The following ADAD1 variants were observed in gnomAD, a reference collection of about 807,000 sequenced individuals.
The protein encoded by ADAD1 is adenosine deaminase domain containing 1.
Under a neutral mutation model 66.8 loss-of-function variants are expected in ADAD1, and 46 were observed. The ratio of observed to expected loss-of-function variants is 0.69; its 90% CI spans 0.54 to 0.88. ADAD1 has a LOEUF of 0.88. Ranked by LOEUF, ADAD1 falls within the 40% of genes least tolerant of loss-of-function variation. The probability of loss-of-function intolerance (pLI) is 0.00; values close to 1 mark genes in which losing one functional copy is unlikely to be tolerated. For synonymous variants in ADAD1, 248 were observed against 229.4 expected, an observed-to-expected ratio of 1.08 and a Z score of -0.73; for missense variants, 617 against 681.8, an observed-to-expected ratio of 0.91 and a Z score of 1.06.
Position 122,411,255 on chromosome 4 carries a change from C to A in ADAD1, c.882C>A (p.Ser294Arg). 1 of 1,608,148 alleles carries A rather than the reference C, an allele frequency of 6.2e-7. No homozygotes were observed. The highest frequency in any genetic ancestry group is 8.5e-7 in the Non-Finnish European group (1 of 1,178,348). The change falls in exon 9 of 13, where the codon AGC (serine) becomes AGA (arginine). Residue 294 changes from serine (S) to arginine (R), a missense_variant. By Grantham distance (110) the Ser-to-Arg change is moderately radical (BLOSUM62 -1). Transcript: ENST00000296513. Reference sequence around the variant, plus strand: ...ATAGACAACTTCTGCTCTTCTACAGCAAAAATCCTGCTATGATGGAAAAAT... The same window carrying A: ...ATAGACAACTTCTGCTCTTCTACAGAAAAAATCCTGCTATGATGGAAAAAT... ...YFYRQLLLFY[S>R]KNPAMMEKSI... is the part of the protein sequence containing the mutation.
intron 5 of ADAD1, among the ~76,000 whole-genome samples, chr4:122,390,820 C>T (rs1375767949): frequency 1.3e-5 from 2 of 152,110 alleles, no homozygotes; most frequent in African/African-American, 2.4e-5. Context: ...TTTAGCTCAG[C>T]GAAGTTTTTT....
chr4:122,421,041 A>G (rs1046161501), intron 11 of ADAD1, among the ~76,000 whole-genome samples: 4 of 152,116 alleles, frequency 2.6e-5, no homozygotes, highest in Non-Finnish European at 4.4e-5. Context: ...AATCTTCTAC[A>G]TTAATTTTTG....
rs191820682 is a variant in ADAD1, at chr4:122,419,577, C to T, written c.1488-1684C>T. 5.8e-4 allele frequency among the ~76,000 whole-genome samples: 88 copies of T among 152,298 alleles called. 1 individual carries two copies. The highest frequency in any genetic ancestry group is 1.1e-3 in the Non-Finnish European group (77 of 68,022). ...TCCTCCTCTCCACCACACAAAATTA[C>T]AGACCAAACTCACCTATATCCAAGA... On this transcript the variant is annotated intron_variant, in intron 11 of 12. Coordinates refer to ENST00000296513, the MANE Select transcript of ADAD1 (RefSeq NM_139243.4).
Position 122,393,589 on chromosome 4 carries a change from G to A in ADAD1, c.530G>A (p.Gly177Asp). 6.3e-7 allele frequency: 1 copy of A among 1,593,000 alleles called. No individual in the cohort carries two copies. Reference protein sequence around the residue: ...EPEPRILETSGPPPFPAEPVV... With the variant: ...EPEPRILETSDPPPFPAEPVV... ...CCTTATGTTTTTGTTTTGTTTACAGGTCCTCCTCCTTTCCCTGCAGAACCT... is the reference window on the plus strand; with the variant it reads ...CCTTATGTTTTTGTTTTGTTTACAGATCCTCCTCCTTTCCCTGCAGAACCT... The change falls in exon 6 of 13, where the codon GGT (glycine) becomes GAT (aspartate). Residue 177 changes from glycine (G) to aspartate (D), a missense_variant and splice_region_variant. Gly to Asp is a moderately conservative substitution (Grantham distance 94). Transcript: ENST00000296513.
At chr4:122,383,687 T>G in intron 4 of ADAD1, 112 bp from the exon 5 acceptor site, 1 of 1,209,690 alleles carries the variant, frequency 8.3e-7, no homozygotes, top group Non-Finnish European at 1.1e-6. Context: ...AGTTGGTGTT[T>G]ATGAGGTAGT....
chr4:122,409,660 T>C (rs1461691262), intron 8 of ADAD1, among the ~76,000 whole-genome samples: 1 of 152,174 alleles, frequency 6.6e-6, no homozygotes, highest in African/African-American at 2.4e-5. Flanking sequence ...ACTTTTTATT[T>C]AACTTTTTCT....
At chr4:122,384,106 G>A (rs1795044220) in intron 5 of ADAD1, 140 bp downstream of exon 5, 1 of 766,598 alleles carries the variant, frequency 1.3e-6, no homozygotes, top group Non-Finnish European at 2.0e-6. Context: ...TTCAGTTGCT[G>A]TCCACTGATG....
In ADAD1 at chr4:122,412,766, G is replaced by T. The variant is rs1796524949; in HGVS notation, c.1206G>T (p.Leu402=). Residue 402 remains leucine (L), a synonymous_variant, in exon 10 of 13, where the codon CTG becomes CTT. Coordinates refer to ENST00000296513, the MANE Select transcript of ADAD1 (RefSeq NM_139243.4). ...TGCTTGGTGTACAGGGAGCATTGCTGAGTCATTTTATACAGCCAGTTTACA... is the reference window on the plus strand; with the variant it reads ...TGCTTGGTGTACAGGGAGCATTGCTTAGTCATTTTATACAGCCAGTTTACA... ...WEVLGVQGAL[L]SHFIQPVYIS... 1 of 1,613,732 alleles carries T rather than the reference G, an allele frequency of 6.2e-7. No individual in the cohort carries two copies. Among genetic ancestry groups the T allele is most frequent in the African/African-American group, 1.3e-5 (1 of 74,932 alleles).
At chr4:122,420,855 T>C (rs1796971493) in intron 11 of ADAD1, among the ~76,000 whole-genome samples, 1 of 152,182 alleles carries the variant, frequency 6.6e-6, no homozygotes, top group Non-Finnish European at 1.5e-5. Flanking sequence ...AAACACAAAA[T>C]AGATTATACA....
In ADAD1 at chr4:122,414,283, G is replaced by GA. The variant is rs79693480; in HGVS notation, c.1250-1096_1250-1095insA. 5.1e-5 allele frequency among the ~76,000 whole-genome samples: 6 copies of GA among 118,724 alleles called. 1 individual carries two copies. The highest frequency in any genetic ancestry group is 1.8e-4 in the African/African-American group (6 of 32,780). 77.9% of individuals were successfully genotyped at this position (118,724 alleles called of 152,430 possible). A position where few individuals can be genotyped will look rare whatever the true frequency, so the allele number is the denominator to read the frequency against. On this transcript the variant is annotated intron_variant, in intron 10 of 12. Coordinates refer to ENST00000296513, the MANE Select transcript of ADAD1 (RefSeq NM_139243.4). ...CCAAATGTCTTTTTTTTTGGGGGGG[G>GA]GGGTACAACTACTGTCATTATTTCA...
At chr4:122,421,029 T>C (rs1796978385) in intron 11 of ADAD1, among the ~76,000 whole-genome samples, 1 of 152,136 alleles carries the variant, frequency 6.6e-6, no homozygotes, top group Non-Finnish European at 1.5e-5. Flanking sequence ...TGTTCCAAGG[T>C]CAATCTTCTA....
At chr4:122,416,904 C>T (rs1157951911) in intron 11 of ADAD1, among the ~76,000 whole-genome samples, 1 of 152,118 alleles carries the variant, frequency 6.6e-6, no homozygotes, top group African/African-American at 2.4e-5. Flanking sequence ...ACTAAACACA[C>T]AGACAAACAG....
At chr4:122,382,073 ATGG>A (rs1794922883) in intron 4 of ADAD1, among the ~76,000 whole-genome samples, 1 of 152,216 alleles carries the variant, frequency 6.6e-6, no homozygotes, top group Non-Finnish European at 1.5e-5. Context: ...CTTAACATAG[ATGG>A]TGGTGGTAAT....
At chr4:122,380,553 A>C (rs750744726) in intron 3 of ADAD1, 2 of 349,644 alleles carry the variant, frequency 5.7e-6, no homozygotes, top group African/African-American at 2.1e-5. Context: ...CATAGCACTT[A>C]GCGTAGTGTT....
chr4:122,407,835 G>GAT, intron 7 of ADAD1, 73 bp from the exon 8 acceptor site: 1 of 1,427,836 alleles, frequency 7.0e-7, no homozygotes, highest in Non-Finnish European at 9.4e-7. Flanking sequence ...AAAATGATGA[G>GAT]ATAGAGGTAA....
At chr4:122,423,757 G>C in intron 12 of ADAD1, among the ~76,000 whole-genome samples, 1 of 152,186 alleles carries the variant, frequency 6.6e-6, no homozygotes, top group East Asian at 1.9e-4. Flanking sequence ...GTGAAAGAAT[G>C]CATAGGCCCC....
chr4:122,388,782 A>C (rs918109117), intron 5 of ADAD1, among the ~76,000 whole-genome samples: 5 of 151,626 alleles, frequency 3.3e-5, no homozygotes, highest in Admixed American at 1.3e-4. Context: ...TCTAGCTAGC[A>C]GTCTATTTTG....
chr4:122,397,989 A>G (rs1250050996), intron 7 of ADAD1, among the ~76,000 whole-genome samples: 1 of 152,152 alleles, frequency 6.6e-6, no homozygotes, highest in African/African-American at 2.4e-5. Flanking sequence ...ATTTTGCCTC[A>G]TCAGTTTTTA....
intron 7 of ADAD1, among the ~76,000 whole-genome samples, chr4:122,396,693 T>C (rs1004784835): frequency 6.6e-6 from 1 of 152,228 alleles, no homozygotes; most frequent in African/African-American, 2.4e-5. Context: ...TAAGAAAAGA[T>C]TGAAATATGG....
Sources: gnomAD v4.1 joint callset for allele counts (sites outside exome capture counted in the v4.1 genomes callset) on GRCh38, gnomAD v4.1.1 for gene constraint, MANE v1.5 for transcripts, NCBI Gene and HGNC (gene_info 2026-07-23, HGNC 2026-07-21) for gene names.